ITPRID1: variants seen among roughly 807,000 people sequenced by gnomAD.
ITPRID1 encodes the protein ITPR interacting domain containing 1.
In ITPRID1, 96 loss-of-function variants were observed where a neutral mutation model predicts 95.4. The observed-to-expected ratio is 1.01, with a 90% CI of 0.85 to 1.19. The LOEUF (loss-of-function observed/expected upper bound fraction) is 1.19. ITPRID1 is among the 50% of genes most tolerant of loss of function. The probability of loss-of-function intolerance (pLI) is 0.00; values close to 1 mark genes in which losing one functional copy is unlikely to be tolerated. For missense variants in ITPRID1, 1,339 were observed against 1,252.9 expected (o/e 1.07, Z -1.04); for synonymous variants, 510 against 453.6 (o/e 1.12, Z -1.58).
intron 10 of ITPRID1, among the ~76,000 whole-genome samples, chr7:31,602,498 G>A (rs1400785524): frequency 6.6e-6 from 1 of 152,146 alleles, no homozygotes; most frequent in Non-Finnish European, 1.5e-5. Context: ...CTGTAATGAA[G>A]CTTTATTCAC....
chr7:31,574,390 A>G (rs1785100485), intron 7 of ITPRID1, 150 bp from the exon 8 acceptor site: 1 of 668,176 alleles, frequency 1.5e-6, no homozygotes, highest in African/African-American at 1.8e-5. Flanking sequence ...CCTTTAAGTA[A>G]GTATATAGGA....
intron 1 of ITPRID1, among the ~76,000 whole-genome samples, chr7:31,520,344 T>C (rs1046127783): frequency 2.0e-5 from 3 of 152,174 alleles, no homozygotes; most frequent in Admixed American, 1.3e-4. Flanking sequence ...TCCATACTTA[T>C]TTTTTGAAAG....
intron 6 of ITPRID1, among the ~76,000 whole-genome samples, chr7:31,571,495 T>C (rs1023948483): frequency 6.6e-6 from 1 of 152,252 alleles, no homozygotes; most frequent in African/African-American, 2.4e-5. Context: ...AGCTGAGCTA[T>C]ATGTATAAAA....
chr7:31,616,030 A>G (rs1787183841), intron 10 of ITPRID1, among the ~76,000 whole-genome samples: 1 of 152,100 alleles, frequency 6.6e-6, no homozygotes, highest in Admixed American at 6.5e-5. Context: ...GGTGTGAGCC[A>G]CCGCACCCAG....
Position 31,652,906 on chromosome 7 carries a change from C to T in ITPRID1, c.*77C>T. The T allele has an allele frequency of 6.5e-7, 1 of 1,546,976 alleles. No homozygotes were observed. Among genetic ancestry groups the T allele is most frequent in the Non-Finnish European group, 8.7e-7 (1 of 1,145,950 alleles). On this transcript the variant is annotated 3_prime_UTR_variant, in exon 15 of 15. Transcript: ENST00000615280. ...TGTAGCAAGGAAATTTCAATTTTCC[C>T]CAAGGAGAAGGGTCTGCCAACCCAT...
chr7:31,523,066 AGAT>A (rs1353730000), intron 1 of ITPRID1, among the ~76,000 whole-genome samples: 1 of 152,198 alleles, frequency 6.6e-6, no homozygotes, highest in African/African-American at 2.4e-5. Flanking sequence ...GTTTTAAATG[AGAT>A]GATGTTTGTA....
chr7:31,654,055 A>AC lies in ITPRID1; in HGVS notation c.*1226_*1227insC, dbSNP rs1791168723. Among the ~76,000 whole-genome samples, 4 of 406 alleles carry AC rather than the reference A, an allele frequency of 9.9e-3. No homozygotes were observed. The highest frequency in any genetic ancestry group is 0.071 in the South Asian group (1 of 14). 0.3% of individuals were successfully genotyped at this position (406 alleles called of 152,430 possible). ...AAGAGTTGGATGAAGAGTAAGTCCAAAAAAAAAAAAAAAAAAACCAACAAG... is the reference window on the plus strand; with the variant it reads ...AAGAGTTGGATGAAGAGTAAGTCCAACAAAAAAAAAAAAAAAAACCAACAAG... On this transcript the variant is annotated 3_prime_UTR_variant, in exon 15 of 15. Coordinates refer to ENST00000615280, the MANE Select transcript of ITPRID1 (RefSeq NM_001257967.3).
chr7:31,636,769 G>A (rs1396960586), intron 10 of ITPRID1, among the ~76,000 whole-genome samples: 4 of 150,980 alleles, frequency 2.6e-5, no homozygotes, highest in Admixed American at 2.0e-4. Flanking sequence ...GGGTACATGT[G>A]CGTAATGTGC....
chr7:31,599,293 A>G (rs1583553997), intron 10 of ITPRID1, among the ~76,000 whole-genome samples: 1 of 152,332 alleles, frequency 6.6e-6, no homozygotes, highest in Admixed American at 6.5e-5. Flanking sequence ...TTGGGGGTAA[A>G]TTAATCGTAG....
chr7:31,605,052 C>T (rs1370473585), intron 10 of ITPRID1, among the ~76,000 whole-genome samples: 1 of 152,016 alleles, frequency 6.6e-6, no homozygotes, highest in African/African-American at 2.4e-5. Flanking sequence ...GCAGGAGAAT[C>T]CCATGAACCT....
chr7:31,632,679 A>G (rs1267644881), intron 10 of ITPRID1, among the ~76,000 whole-genome samples: 4 of 152,260 alleles, frequency 2.6e-5, no homozygotes, highest in African/African-American at 9.6e-5. Context: ...GAAATCTAGC[A>G]GCAGGAAAAG....
chr7:31,567,007 G>A, intron 5 of ITPRID1, among the ~76,000 whole-genome samples: 1 of 152,104 alleles, frequency 6.6e-6, no homozygotes, highest in African/African-American at 2.4e-5. Flanking sequence ...ATTTTGCAAA[G>A]GATTTTATAT....
At position 31,574,696 on chromosome 7, in the gene ITPRID1, T is replaced by C; in HGVS notation, c.552T>C (p.Leu184=). ...AARGINIRVF[L]EAQKQRMDIE... is the part of the protein sequence containing the mutation. ...GAGGAATCAACATCCGTGTTTTTCT[T>C]GAAGCTCAAAAGCAGCGAATGGACA... The change falls in exon 8 of 15, where the codon CTT becomes CTC. Residue 184 remains leucine (L), a synonymous_variant. Coordinates refer to ENST00000615280, the MANE Select transcript of ITPRID1 (RefSeq NM_001257967.3). The C allele has an allele frequency of 6.2e-7, 1 of 1,613,844 alleles. No individual in the cohort carries two copies. Among genetic ancestry groups the C allele is most frequent in the Non-Finnish European group, 8.5e-7 (1 of 1,179,828 alleles).
intron 10 of ITPRID1, among the ~76,000 whole-genome samples, chr7:31,600,639 T>A (rs1227885157): frequency 6.6e-6 from 1 of 152,198 alleles, no homozygotes; most frequent in Non-Finnish European, 1.5e-5. Flanking sequence ...TCCCTTGGGG[T>A]GAGCTGCCTG....
downstream of ITPRID1, chr7:31,656,641 A>G (rs1232873095): frequency 1.1e-5 from 3 of 268,388 alleles, no homozygotes; most frequent in Admixed American, 6.5e-5. Flanking sequence ...TGAACTGACT[A>G]TGGTAGAAGC....
chr7:31,561,950 G>T (rs536860737), intron 5 of ITPRID1, among the ~76,000 whole-genome samples: 1 of 150,876 alleles, frequency 6.6e-6, no homozygotes, highest in African/African-American at 2.4e-5. Flanking sequence ...GTCAATAGTG[G>T]TGTTAAAGAG....
chr7:31,638,932 A>T (rs1367006180), intron 10 of ITPRID1, among the ~76,000 whole-genome samples: 1 of 151,962 alleles, frequency 6.6e-6, no homozygotes, highest in Non-Finnish European at 1.5e-5. Flanking sequence ...ACCTGCCACC[A>T]CACCCGCTAA....
intron 1 of ITPRID1, among the ~76,000 whole-genome samples, chr7:31,535,945 A>T (rs1028544125): frequency 6.6e-6 from 1 of 151,964 alleles, no homozygotes; most frequent in African/African-American, 2.4e-5. Flanking sequence ...CAGAAGTTTG[A>T]CTATGGTGTG....
rs200026024 is a variant in ITPRID1, at chr7:31,643,389, T to A, written c.2019T>A (p.Asp673Glu). The A allele has an allele frequency of 3.0e-5, 49 of 1,613,836 alleles. No individual in the cohort carries two copies. Among genetic ancestry groups the A allele is most frequent in the Non-Finnish European group, 4.2e-5 (49 of 1,179,892 alleles). ...LIPHLHKLPG[D>E]PAQVKSRSGT... Reference sequence around the variant, plus strand: ...CCCACCTCCATAAACTGCCTGGAGATCCTGCCCAGGTGAAGTCAAGGTCTG... The same window carrying A: ...CCCACCTCCATAAACTGCCTGGAGAACCTGCCCAGGTGAAGTCAAGGTCTG... Residue 673 changes from aspartate (D) to glutamate (E), a missense_variant, in exon 12 of 15, where the codon GAT becomes GAA. Physicochemically the swap from Asp to Glu is conservative, Grantham distance 45. Coordinates refer to ENST00000615280, the MANE Select transcript of ITPRID1 (RefSeq NM_001257967.3).
Sources: gnomAD v4.1 joint callset for allele counts (sites outside exome capture counted in the v4.1 genomes callset) on GRCh38, gnomAD v4.1.1 for gene constraint, MANE v1.5 for transcripts, NCBI Gene and HGNC (gene_info 2026-07-23, HGNC 2026-07-21) for gene names.